KLF12: variants seen among roughly 807,000 people sequenced by gnomAD.
The protein encoded by KLF12 is KLF transcription factor 12.
In KLF12, 9 loss-of-function variants were observed where a neutral mutation model predicts 37.8. The ratio of observed to expected loss-of-function variants is 0.24; its 90% CI spans 0.14 to 0.42. KLF12 has a LOEUF of 0.42. KLF12 is among the 10% of genes least tolerant of loss of function. The probability of loss-of-function intolerance (pLI) is 1.00; values close to 1 mark genes in which losing one functional copy is unlikely to be tolerated. For missense variants in KLF12, 411 were observed against 516.0 expected (o/e 0.80, Z 1.97); for synonymous variants, 208 against 202.1 (o/e 1.03, Z -0.25).
At chr13:74,246,546 G>A in the KLF12 span, among the ~76,000 whole-genome samples, 1 of 152,194 alleles carries the variant, frequency 6.6e-6, no homozygotes, top group African/African-American at 2.4e-5. Context: ...AATAGAAAGT[G>A]GCCCCCTGCC....
the KLF12 span, among the ~76,000 whole-genome samples, chr13:74,217,795 A>G: frequency 6.6e-6 from 1 of 152,252 alleles, no homozygotes; most frequent in South Asian, 2.1e-4. Flanking sequence ...GGAGAATGCT[A>G]CAAGATCTGT....
intron 1 of KLF12, among the ~76,000 whole-genome samples, chr13:74,063,231 C>G (rs1048597807): frequency 3.9e-5 from 6 of 152,162 alleles, no homozygotes; most frequent in African/African-American, 1.2e-4. Flanking sequence ...CCCCACCATC[C>G]TCTAATATGA....
the KLF12 span, among the ~76,000 whole-genome samples, chr13:74,245,516 T>C: frequency 6.6e-6 from 1 of 152,140 alleles, no homozygotes; most frequent in Non-Finnish European, 1.5e-5. Flanking sequence ...TGTGAAGGAA[T>C]GTTAACATTG....
rs1033727941 is a variant in KLF12 at position 73,693,712 on chromosome 13, C to T, written c.*1778G>A. 1 of 152,498 alleles carries T rather than the reference C, an allele frequency of 6.6e-6. No homozygotes were observed. Among genetic ancestry groups the T allele is most frequent in the Non-Finnish European group, 1.5e-5 (1 of 68,012 alleles). The allele number at this position is 152,498 out of a possible 1,614,324, so 9.4% of individuals were successfully genotyped here. A position where few individuals can be genotyped will look rare whatever the true frequency, so the allele number is the denominator to read the frequency against. On this transcript the variant is annotated 3_prime_UTR_variant, in exon 8 of 8. Coordinates refer to ENST00000377669, the MANE Select transcript of KLF12 (RefSeq NM_007249.5). ...TTGTGAGGTTAATATGTGCAATTCC[C>T]AAAATCAAGTGTTTGTAATTAAAAT...
At chr13:73,792,973 TAA>T (rs1257763210) in intron 5 of KLF12, among the ~76,000 whole-genome samples, 2 of 152,360 alleles carry the variant, frequency 1.3e-5, no homozygotes, top group Non-Finnish European at 2.9e-5. Flanking sequence ...GCCTGACGTT[TAA>T]TTGAGTCTGG....
At chr13:74,253,595 G>A in the KLF12 span, among the ~76,000 whole-genome samples, 1 of 152,122 alleles carries the variant, frequency 6.6e-6, no homozygotes, top group Non-Finnish European at 1.5e-5. Context: ...GATGTTGAAT[G>A]CTCTGTCCTA....
intron 1 of KLF12, among the ~76,000 whole-genome samples, chr13:74,118,181 G>A (rs1304478278): frequency 1.3e-5 from 2 of 152,154 alleles, no homozygotes; most frequent in Admixed American, 1.3e-4. Flanking sequence ...TTCAGGGTGA[G>A]TGAGGCCAGA....
chr13:74,212,317 T>C, the KLF12 span, among the ~76,000 whole-genome samples: 3 of 152,230 alleles, frequency 2.0e-5, no homozygotes, highest in African/African-American at 7.2e-5. Context: ...ACCAACTTTT[T>C]GGTGCCAACT....
chr13:74,208,467 T>C, the KLF12 span, among the ~76,000 whole-genome samples: 3 of 152,176 alleles, frequency 2.0e-5, no homozygotes, highest in African/African-American at 4.8e-5. Context: ...GCATATTTTG[T>C]CTGGGAATTT....
intron 5 of KLF12, among the ~76,000 whole-genome samples, chr13:73,792,470 A>T (rs1881744002): frequency 6.6e-6 from 1 of 152,218 alleles, no homozygotes; most frequent in Non-Finnish European, 1.5e-5. Context: ...TGAAATTCAC[A>T]GTTAAAAAGT....
intron 1 of KLF12, among the ~76,000 whole-genome samples, chr13:74,069,207 T>C (rs1026960502): frequency 6.6e-6 from 1 of 151,958 alleles, no homozygotes; most frequent in Non-Finnish European, 1.5e-5. Flanking sequence ...CAAACACAAA[T>C]GAAAAATATA....
chr13:73,785,826 G>A (rs1881305909), intron 5 of KLF12, among the ~76,000 whole-genome samples: 1 of 152,112 alleles, frequency 6.6e-6, no homozygotes, highest in Non-Finnish European at 1.5e-5. Context: ...TGGATGCCAT[G>A]CATCCATCTC....
chr13:73,936,980 A>C (rs1356078579), intron 3 of KLF12, among the ~76,000 whole-genome samples: 1 of 152,212 alleles, frequency 6.6e-6, no homozygotes, highest in Non-Finnish European at 1.5e-5. Flanking sequence ...TCACGAGGTC[A>C]GAAGATCGAG....
the KLF12 span, among the ~76,000 whole-genome samples, chr13:74,201,669 G>A: frequency 6.6e-6 from 1 of 152,222 alleles, no homozygotes; most frequent in Middle Eastern, 3.4e-3. Flanking sequence ...ACAGATAAAT[G>A]CAGAGATGTA....
At chr13:74,001,578 T>G (rs548340162) in intron 1 of KLF12, among the ~76,000 whole-genome samples, 1 of 152,338 alleles carries the variant, frequency 6.6e-6, no homozygotes, top group Non-Finnish European at 1.5e-5. Flanking sequence ...ATATTTGGCT[T>G]TCCTATTAAT....
At chr13:73,889,833 AG>A (rs1481149428) in intron 3 of KLF12, among the ~76,000 whole-genome samples, 2 of 152,152 alleles carry the variant, frequency 1.3e-5, no homozygotes, top group East Asian at 3.8e-4. Context: ...ACAAAATAAA[AG>A]GAACTAAATA....
chr13:74,077,773 G>A (rs973585479), intron 1 of KLF12, among the ~76,000 whole-genome samples: 1 of 152,114 alleles, frequency 6.6e-6, no homozygotes, highest in African/African-American at 2.4e-5. Context: ...ACAAGTTCTC[G>A]GACATGGTTA....
chr13:73,713,483 C>G (rs1016678362), intron 7 of KLF12, among the ~76,000 whole-genome samples: 2 of 152,208 alleles, frequency 1.3e-5, no homozygotes, highest in Non-Finnish European at 2.9e-5. Context: ...GAAAACTGCA[C>G]AGCAGTGACT....
chr13:74,022,936 C>T lies in KLF12; in HGVS notation c.-31-27883G>A, dbSNP rs1340115584. Among the ~76,000 whole-genome samples, 17 of 73,752 alleles carry T rather than the reference C, an allele frequency of 2.3e-4. 1 individual carries two copies. The Admixed American group carries it at 2.7e-3, about 12-fold the overall frequency. The allele number at this position is 73,752 out of a possible 152,430, so 48.4% of individuals were successfully genotyped here. On this transcript the variant is annotated intron_variant, in intron 1 of 7. Transcript: ENST00000377669. ...CTCTTCGACCTAACTCTCTGCATCC[C>T]TAACCAAATGGCAGGCTGCATCCCT...
Sources: gnomAD v4.1 joint callset for allele counts (sites outside exome capture counted in the v4.1 genomes callset) on GRCh38, gnomAD v4.1.1 for gene constraint, MANE v1.5 for transcripts, NCBI Gene and HGNC (gene_info 2026-07-23, HGNC 2026-07-21) for gene names.